MAZ: variants seen among roughly 807,000 people sequenced by gnomAD.
The protein encoded by MAZ is MYC associated zinc finger protein.
MAZ carries 4 observed loss-of-function variants against 32.7 expected under a neutral mutation model. The observed-to-expected ratio is 0.12, with a 90% CI of 0.06 to 0.28. The LOEUF is 0.28. Ranked by LOEUF, MAZ falls within the 10% of genes least tolerant of loss-of-function variation. MAZ has a pLI of 1.00. For missense variants in MAZ, 763 were observed against 667.2 expected (o/e 1.14, Z -1.58); for synonymous variants, 510 against 297.6 (o/e 1.71, Z -7.35).
Position 29,806,676 on chromosome 16 carries a change from C to G in MAZ, c.-26C>G. On this transcript the variant is annotated 5_prime_UTR_variant, in exon 1 of 5. Coordinates refer to ENST00000322945, the MANE Select transcript of MAZ (RefSeq NM_002383.4). Reference sequence around the variant, plus strand: ...CCGCGCCCCCGGCCCCCGCTGAGCCCCGGGGGCCCCGCTGCGGCCGAGGCC... The same window carrying G: ...CCGCGCCCCCGGCCCCCGCTGAGCCGCGGGGGCCCCGCTGCGGCCGAGGCC... The G allele has an allele frequency of 2.7e-6, 3 of 1,099,730 alleles. No individual in the cohort carries two copies. The highest frequency in any genetic ancestry group is 3.3e-6 in the Non-Finnish European group (3 of 897,460). The allele number at this position is 1,099,730 out of a possible 1,614,324, so 68.1% of individuals were successfully genotyped here.
chr16:29,809,607 T>C lies in MAZ; in HGVS notation c.1280-470T>C, dbSNP rs377713456. The C allele has an allele frequency of 6.8e-6, 11 of 1,612,092 alleles. No homozygotes were observed. The African/African-American group carries it at 1.3e-4, about 20-fold the overall frequency. ...ACCACGGGCTCCAGGCCCCGCGGGC[T>C]GACCGCATCCTGTGCAAGCTGTGCA... On this transcript the variant is annotated intron_variant, in intron 4 of 4. Transcript: ENST00000322945.
chr16:29,809,338 G>T, intron 4 of MAZ: 1 of 582,600 alleles, frequency 1.7e-6, no homozygotes. Context: ...TGAGAAGCGG[G>T]CACCACACAA....
At chr16:29,808,922 C>G in intron 4 of MAZ, 181 bp downstream of exon 4, 1 of 612,380 alleles carries the variant, frequency 1.6e-6, no homozygotes, top group Non-Finnish European at 2.8e-6. Context: ...CTAAGAAGTC[C>G]TGGTTGGAAG....
chr16:29,807,895 C>G (rs781205993), intron 2 of MAZ, 67 bp downstream of exon 2: 64 of 1,564,264 alleles, frequency 4.1e-5, no homozygotes, highest in Middle Eastern at 1.7e-4. Context: ...GGTGGCCTGG[C>G]CGTGGCTGGC....
chr16:29,808,077 G>T, intron 2 of MAZ, 153 bp from the exon 3 acceptor site: 1 of 960,890 alleles, frequency 1.0e-6, no homozygotes, highest in Non-Finnish European at 1.6e-6. Flanking sequence ...AGCGGCTGCT[G>T]GGCTCCAGGG....
intron 4 of MAZ, 103 bp downstream of exon 4, chr16:29,808,844 T>C (rs1322520756): frequency 3.3e-6 from 4 of 1,199,190 alleles, no homozygotes; most frequent in Non-Finnish European, 4.6e-6. Context: ...CAAGAGCTCG[T>C]GGCGTCTAGA....
chr16:29,809,890 C>T (rs1391166210), intron 4 of MAZ, 187 bp from the exon 5 acceptor site: 5 of 1,120,494 alleles, frequency 4.5e-6, no homozygotes, highest in East Asian at 2.4e-5. Flanking sequence ...AGGGAGACTT[C>T]TGGGCACAGG....
rs1398145925 is a variant in MAZ, at chr16:29,810,690, G to A, written c.*459G>A. On this transcript the variant is annotated 3_prime_UTR_variant, in exon 5 of 5. Coordinates refer to ENST00000322945, the MANE Select transcript of MAZ (RefSeq NM_002383.4). ...TTTTTTTTTTTTCCAGGGGGAGGGA[G>A]GAGAGGAAGGAGGGGGATCAGAGCT... The A allele has an allele frequency of 2.5e-5, 12 of 471,950 alleles. No individual in the cohort carries two copies. Among genetic ancestry groups the A allele is most frequent in the African/African-American group, 2.2e-4 (11 of 50,570 alleles). 29.2% of individuals were successfully genotyped at this position (471,950 alleles called of 1,614,324 possible). A position where few individuals can be genotyped will look rare whatever the true frequency, so the allele number is the denominator to read the frequency against.
Position 29,810,991 on chromosome 16 carries a change from C to T in MAZ, c.*760C>T, listed in dbSNP as rs1899931841. On this transcript the variant is annotated 3_prime_UTR_variant, in exon 5 of 5. Coordinates refer to ENST00000322945, the MANE Select transcript of MAZ (RefSeq NM_002383.4). ...GGGAATGCAGCCAGTGTCCCCCTCC[C>T]CTCTTCCACCCCAGCTCCAGCCCTG... 1 of 444,798 alleles carries T rather than the reference C, an allele frequency of 2.2e-6. No homozygotes were observed. Among genetic ancestry groups the T allele is most frequent in the Non-Finnish European group, 4.5e-6 (1 of 221,152 alleles). 27.6% of individuals were successfully genotyped at this position (444,798 alleles called of 1,614,324 possible).
chr16:29,810,604 C>T lies in MAZ; in HGVS notation c.*373C>T. 1.5e-6 allele frequency: 1 copy of T among 669,250 alleles called. No individual in the cohort carries two copies. Among genetic ancestry groups the T allele is most frequent in the Non-Finnish European group, 2.7e-6 (1 of 365,352 alleles). The allele number at this position is 669,250 out of a possible 1,614,324, so 41.5% of individuals were successfully genotyped here. ...CCCTCGACGGTCCTCTTCTCTCCTT[C>T]CAGTCCTCTCCCCCTGCTGTCTGCA... On this transcript the variant is annotated 3_prime_UTR_variant, in exon 5 of 5. Coordinates refer to ENST00000322945, the MANE Select transcript of MAZ (RefSeq NM_002383.4).
intron 4 of MAZ, chr16:29,808,986 G>T: frequency 1.8e-6 from 1 of 566,542 alleles, no homozygotes; most frequent in Admixed American, 3.4e-5. Flanking sequence ...GAAAGCGGGA[G>T]TGGAACTTGG....
rs751565808 is a variant in MAZ at position 29,810,135 on chromosome 16, G to A, written c.1338G>A (p.Ala446=). Residue 446 remains alanine (A), a synonymous_variant, in exon 5 of 5, where the codon GCG becomes GCA. Coordinates refer to ENST00000322945, the MANE Select transcript of MAZ (RefSeq NM_002383.4). Reference sequence around the variant, plus strand: ...CGGCAGCGGCGGCAGCGGCAGCAGCGGCAGCAGTAGCAGCCCCTCCCACAG... The same window carrying A: ...CGGCAGCGGCGGCAGCGGCAGCAGCAGCAGCAGTAGCAGCCCCTCCCACAG... ...AAAAAAAAAA[A]AAVAAPPTAV... 6 of 1,609,732 alleles carry A rather than the reference G, an allele frequency of 3.7e-6. No homozygotes were observed. The Admixed American group carries it at 6.7e-5, about 18-fold the overall frequency.
rs1232968639 is a variant in MAZ at position 29,811,134 on chromosome 16, C to G, written c.*903C>G. On this transcript the variant is annotated 3_prime_UTR_variant, in exon 5 of 5. Coordinates refer to ENST00000322945, the MANE Select transcript of MAZ (RefSeq NM_002383.4). Reference sequence around the variant, plus strand: ...CTCCACCCCTTCCTTTTGCGCGGACCCCATTACAATAAATTTTAAATAAAA... The same window carrying G: ...CTCCACCCCTTCCTTTTGCGCGGACGCCATTACAATAAATTTTAAATAAAA... The G allele has an allele frequency of 9.2e-6, 4 of 437,116 alleles. 1 individual carries two copies. The highest frequency in any genetic ancestry group is 1.8e-5 in the Non-Finnish European group (4 of 219,052). 27.1% of individuals were successfully genotyped at this position (437,116 alleles called of 1,614,324 possible). A position where few individuals can be genotyped will look rare whatever the true frequency, so the allele number is the denominator to read the frequency against.
rs1899856879 is a variant in MAZ, at chr16:29,810,234, T to C, written c.*3T>C. 5 of 1,584,734 alleles carry C rather than the reference T, an allele frequency of 3.2e-6. No individual in the cohort carries two copies. The highest frequency in any genetic ancestry group is 4.3e-6 in the Non-Finnish European group (5 of 1,165,468). ...CACTTCCCTCCCAACCCTGGTGAGC[T>C]CCAAGTTGGTTGCGGGGGAGAGGGG... is the stretch of plus-strand genomic sequence containing the variant. On this transcript the variant is annotated 3_prime_UTR_variant, in exon 5 of 5. Transcript: ENST00000322945.
chr16:29,809,170 C>T (rs1399673686), intron 4 of MAZ: 2 of 492,170 alleles, frequency 4.1e-6, no homozygotes, highest in Admixed American at 3.9e-5. Flanking sequence ...TTCAGTCAGA[C>T]TCACCGGTTA....
In MAZ at chr16:29,806,619, G is replaced by A; in HGVS notation, c.-83G>A. The stretch of plus-strand genomic sequence containing the variant: ...GGCGCGGCCCAGCCCGGCCGGCCGG[G>A]GGCGGCGCCCCGAGCCCGGGCCCCG... On this transcript the variant is annotated 5_prime_UTR_variant, in exon 1 of 5. Transcript: ENST00000322945. 1 of 967,810 alleles carries A rather than the reference G, an allele frequency of 1.0e-6. No individual in the cohort carries two copies. The highest frequency in any genetic ancestry group is 4.7e-5 in the South Asian group (1 of 21,268). The allele number at this position is 967,810 out of a possible 1,614,324, so 60.0% of individuals were successfully genotyped here.
In MAZ at chr16:29,810,336, A is replaced by G. The variant is rs990879786; in HGVS notation, c.*105A>G. 1 of 1,157,680 alleles carries G rather than the reference A, an allele frequency of 8.6e-7. No homozygotes were observed. 71.7% of individuals were successfully genotyped at this position (1,157,680 alleles called of 1,614,324 possible). A position where few individuals can be genotyped will look rare whatever the true frequency, so the allele number is the denominator to read the frequency against. On this transcript the variant is annotated 3_prime_UTR_variant, in exon 5 of 5. Transcript: ENST00000322945. Reference sequence around the variant, plus strand: ...CCAACTCCTATTTCCCTACCAACCAAGGAGCCTCCAGAAGGAAAGGAGGAA... The same window carrying G: ...CCAACTCCTATTTCCCTACCAACCAGGGAGCCTCCAGAAGGAAAGGAGGAA...
In MAZ at chr16:29,807,259, G is replaced by T; in HGVS notation, c.474G>T (p.Ala158=). 6.9e-7 allele frequency: 1 copy of T among 1,442,852 alleles called. No homozygotes were observed. The highest frequency in any genetic ancestry group is 9.1e-7 in the Non-Finnish European group (1 of 1,094,594). 89.4% of individuals were successfully genotyped at this position (1,442,852 alleles called of 1,614,324 possible). Residue 158 remains alanine (A), a synonymous_variant, in exon 2 of 5, where the codon GCG becomes GCT. Transcript: ENST00000322945. ...CCGCCTCCGCCGCCACTATCGCCGC[G>T]GCGGCGGCCACCGCCGTCGTAGCCC... ...APPASAATIA[A]AAATAVVAPT... is the part of the protein sequence containing the mutation.
chr16:29,808,720 G>A lies in MAZ; in HGVS notation c.1258G>A (p.Val420Ile). ...MKVHSQGPHH[V>I]CELCNKGTGE... ...GGTGCACAGCCAGGGTCCTCACCAT[G>A]TCTGTGAGCTCTGCAACAAAGGTAC... The change falls in exon 4 of 5, where the codon GTC (valine) becomes ATC (isoleucine). Residue 420 changes from valine to isoleucine, a missense_variant. Physicochemically the swap from Val to Ile is conservative, Grantham distance 29. Coordinates refer to ENST00000322945, the MANE Select transcript of MAZ (RefSeq NM_002383.4). 1 of 1,613,928 alleles carries A rather than the reference G, an allele frequency of 6.2e-7. No individual in the cohort carries two copies. Among genetic ancestry groups the A allele is most frequent in the Non-Finnish European group, 8.5e-7 (1 of 1,179,988 alleles).
Sources: gnomAD v4.1 joint callset for allele counts on GRCh38, gnomAD v4.1.1 for gene constraint, MANE v1.5 for transcripts, NCBI Gene and HGNC (gene_info 2026-07-23, HGNC 2026-07-21) for gene names.